RHBDF2: variants seen among roughly 807,000 people sequenced by gnomAD.
RHBDF2 encodes inactive rhomboid protein 2.
Under a neutral mutation model 95.2 loss-of-function variants are expected in RHBDF2, and 38 were observed. The observed-to-expected ratio is 0.40, with a 90% CI of 0.31 to 0.52. The LOEUF is 0.52. Ranked by LOEUF, RHBDF2 falls within the 20% of genes least tolerant of loss-of-function variation. The probability of loss-of-function intolerance (pLI) is 0.56; values close to 1 mark genes in which losing one functional copy is unlikely to be tolerated. For synonymous variants in RHBDF2, 442 were observed against 462.0 expected (o/e 0.96, Z 0.55); for missense variants, 863 against 1,137.7 (o/e 0.76, Z 3.47).
At chr17:76,490,673 C>T (rs1410606728) in intron 1 of RHBDF2, among the ~76,000 whole-genome samples, 2 of 152,018 alleles carry the variant, frequency 1.3e-5, no homozygotes, top group Non-Finnish European at 2.9e-5. Context: ...CAGATCTGAT[C>T]ACACCTCCCT....
At chr17:76,472,141 C>A (rs1291403121) in intron 18 of RHBDF2, 89 bp from the exon 19 acceptor site, 6 of 1,333,172 alleles carry the variant, frequency 4.5e-6, no homozygotes, top group Non-Finnish European at 6.0e-6. Flanking sequence ...TCGATCAGCT[C>A]CTCCCTGGCA....
At chr17:76,482,910 G>A (rs7223138) in intron 2 of RHBDF2, among the ~76,000 whole-genome samples, 1 of 151,102 alleles carries the variant, frequency 6.6e-6, no homozygotes, top group African/African-American at 2.4e-5. Context: ...TGGCTTACAC[G>A]TACAATCCCA....
At chr17:76,479,485 A>T (rs1308117468) in intron 4 of RHBDF2, 3 of 817,048 alleles carry the variant, frequency 3.7e-6, no homozygotes, top group Non-Finnish European at 6.1e-6. Flanking sequence ...CTAGGGCCCC[A>T]GGCACCCCCA....
At chr17:76,498,789 A>AGTGTGTGTGT (rs60130089) in intron 1 of RHBDF2, among the ~76,000 whole-genome samples, 14,603 of 143,560 alleles carry the variant, frequency 0.1, 854 homozygotes, top group Middle Eastern at 0.15. Context: ...AGAGAAAGAG[A>AGTGTGTGTGT]GTGTGTGTGT....
Position 76,471,645 on chromosome 17 carries a change from C to T in RHBDF2, c.2472G>A (p.Gln824=). ...SRFCEKYELD[Q]VLH The stretch of plus-strand genomic sequence containing the variant: ...TGTGGCCCAGCGGTCAGTGCAGCAC[C>T]TGGTCCAGCTCATACTTCTCGCAGA... Residue 824 remains glutamine, a synonymous_variant, in exon 19 of 19, where the codon CAG becomes CAA. Transcript: ENST00000675367. The T allele has an allele frequency of 6.2e-7, 1 of 1,602,200 alleles. No individual in the cohort carries two copies. Among genetic ancestry groups the T allele is most frequent in the Admixed American group, 1.7e-5 (1 of 59,420 alleles).
chr17:76,490,632 G>T (rs1259684554), intron 1 of RHBDF2, among the ~76,000 whole-genome samples: 1 of 152,006 alleles, frequency 6.6e-6, no homozygotes, highest in Non-Finnish European at 1.5e-5. Flanking sequence ...CTCAGTTAAG[G>T]TCGCCAAGCA....
At chr17:76,472,473 C>T (rs1598648338) in intron 18 of RHBDF2, 8 of 663,922 alleles carry the variant, frequency 1.2e-5, no homozygotes, top group Admixed American at 4.4e-5. Flanking sequence ...ATAAATGAGG[C>T]GGTGGAGGGA....
At chr17:76,498,536 C>T (rs1023999297) in intron 1 of RHBDF2, among the ~76,000 whole-genome samples, 2 of 152,114 alleles carry the variant, frequency 1.3e-5, no homozygotes, top group Non-Finnish European at 2.9e-5. Context: ...CGCACACTCA[C>T]GGGCAGGCGT....
intron 2 of RHBDF2, 75 bp from the exon 3 acceptor site, chr17:76,481,620 G>T: frequency 7.3e-7 from 1 of 1,369,782 alleles, no homozygotes; most frequent in East Asian, 2.4e-5. Flanking sequence ...GCCAGGGCAC[G>T]CAGCCCAGAC....
intron 17 of RHBDF2, 44 bp from the exon 18 acceptor site, chr17:76,472,883 TCAGGAG>T: frequency 1.3e-6 from 2 of 1,577,214 alleles, no homozygotes; most frequent in Non-Finnish European, 1.7e-6. Context: ...GCCAGGCACT[TCAGGAG>T]CAGTAGGCTT....
At chr17:76,479,464 G>A (rs2073879115) in intron 4 of RHBDF2, 187 bp from the exon 5 acceptor site, 7 of 920,666 alleles carry the variant, frequency 7.6e-6, no homozygotes, top group Non-Finnish European at 1.2e-5. Context: ...ACGGGAGCGT[G>A]AGGAGCCAGG....
In RHBDF2 at chr17:76,487,045, G is replaced by A. The variant is rs1210435444; in HGVS notation, c.-22+667C>T. 3.7e-5 allele frequency among the ~76,000 whole-genome samples: 5 copies of A among 134,482 alleles called. No individual in the cohort carries two copies. The South Asian group carries it at 1.0e-3, about 27-fold the overall frequency. 88.2% of individuals were successfully genotyped at this position (134,482 alleles called of 152,430 possible). A position where few individuals can be genotyped will look rare whatever the true frequency, so the allele number is the denominator to read the frequency against. The stretch of plus-strand genomic sequence containing the variant: ...ACGATCTGAGCTCACTGCAGCCTCC[G>A]CCTCCTGGGTTCAAGCAATTCTCCT... On this transcript the variant is annotated intron_variant, in intron 2 of 18. Transcript: ENST00000675367.
chr17:76,475,539 C>A (rs939400165), intron 9 of RHBDF2, among the ~76,000 whole-genome samples: 13 of 152,098 alleles, frequency 8.5e-5, no homozygotes, highest in African/African-American at 2.7e-4. Context: ...CCTCTCTATC[C>A]TCCTCCGGGA....
intron 1 of RHBDF2, among the ~76,000 whole-genome samples, chr17:76,500,259 A>G (rs1167413824): frequency 6.6e-6 from 1 of 151,754 alleles, no homozygotes; most frequent in Non-Finnish European, 1.5e-5. Flanking sequence ...CCTGGCCTCT[A>G]CCCACTACCT....
intron 1 of RHBDF2, among the ~76,000 whole-genome samples, chr17:76,496,396 C>T (rs1255400523): frequency 6.6e-6 from 1 of 152,184 alleles, no homozygotes; most frequent in Non-Finnish European, 1.5e-5. Flanking sequence ...GGCTACAACC[C>T]CAGCCAGGGT....
Position 76,478,815 on chromosome 17 carries a change from G to A in RHBDF2, c.663C>T (p.Ala221=). ...GGAGGGAGCCCCGCACCTTGAGGAG[G>A]GCAGCGGCAGCTTGCAAGCTCATGT... ...VAHMSLQAAA[A]LLKGRSVLDA... is the part of the protein sequence containing the mutation. Residue 221 remains alanine, a synonymous_variant, in exon 6 of 19, where the codon GCC becomes GCT. Transcript: ENST00000675367. 1 of 1,612,376 alleles carries A rather than the reference G, an allele frequency of 6.2e-7. No homozygotes were observed. The highest frequency in any genetic ancestry group is 8.5e-7 in the Non-Finnish European group (1 of 1,179,280).
At chr17:76,475,200 G>T in intron 9 of RHBDF2, 59 bp from the exon 10 acceptor site, 1 of 1,263,420 alleles carries the variant, frequency 7.9e-7, no homozygotes, top group Non-Finnish European at 1.1e-6. Context: ...CCCAGTCCCG[G>T]CCACAGGGCC....
chr17:76,476,180 T>C (rs2073767429), intron 9 of RHBDF2: 1 of 152,356 alleles, frequency 6.6e-6, no homozygotes, highest in African/African-American at 2.4e-5. Flanking sequence ...AGTGCTGGAA[T>C]TACAGGCGTG....
At chr17:76,485,680 C>T (rs542550682) in intron 2 of RHBDF2, among the ~76,000 whole-genome samples, 7 of 152,312 alleles carry the variant, frequency 4.6e-5, no homozygotes, top group East Asian at 1.9e-4. Context: ...CCCGGCAGCA[C>T]GGCTCTGCAG....
Sources: allele counts gnomAD v4.1 joint callset (sites outside exome capture counted in the v4.1 genomes callset), GRCh38; gene constraint gnomAD v4.1.1; transcripts MANE v1.5; gene names NCBI Gene and HGNC (gene_info 2026-07-23, HGNC 2026-07-21).